Variants in TRPM2 observed in about 807,000 individuals in gnomAD.
TRPM2 encodes the protein transient receptor potential cation channel subfamily M member 2, also known as estrogen-responsive element-associated gene 1 protein.
In TRPM2, 161 loss-of-function variants were observed where a neutral mutation model predicts 174.0. The observed-to-expected ratio is 0.93, with a 90% CI of 0.81 to 1.05. The LOEUF is 1.05. Ranked by LOEUF, TRPM2 falls within the 50% of genes least tolerant of loss-of-function variation. The probability of loss-of-function intolerance (pLI) is 0.00; values close to 1 mark genes in which losing one functional copy is unlikely to be tolerated. For missense variants in TRPM2, 2,057 were observed against 2,038.0 expected (o/e 1.01, Z -0.18); for synonymous variants, 954 against 861.3 (o/e 1.11, Z -1.88).
At chr21:44,440,552 A>G (rs1020175802) in intron 30 of TRPM2, among the ~76,000 whole-genome samples, 1 of 152,332 alleles carries the variant, frequency 6.6e-6, no homozygotes, top group Admixed American at 6.5e-5. Flanking sequence ...AGACGTTTCC[A>G]AGGCGTTTCC....
At chr21:44,355,585 C>T (rs189540723) in intron 2 of TRPM2, among the ~76,000 whole-genome samples, 20 of 152,306 alleles carry the variant, frequency 1.3e-4, no homozygotes, top group Admixed American at 3.9e-4. Context: ...TCCCAGCTGT[C>T]GTGCTGTAAC....
At chr21:44,378,475 C>A (rs977351716) in intron 7 of TRPM2, among the ~76,000 whole-genome samples, 9 of 152,182 alleles carry the variant, frequency 5.9e-5, no homozygotes, top group Admixed American at 5.9e-4. Context: ...GGTCCTCACT[C>A]CCTATGCGTG....
At chr21:44,424,684 C>T (rs2050685461) in intron 23 of TRPM2, among the ~76,000 whole-genome samples, 168 bp from the exon 24 acceptor site, 1 of 152,066 alleles carries the variant, frequency 6.6e-6, no homozygotes, top group South Asian at 2.1e-4. Context: ...TTCTGGCTGG[C>T]TTGGTGGCTG....
chr21:44,408,239 G>A (rs1601181066), intron 19 of TRPM2, among the ~76,000 whole-genome samples: 3 of 152,058 alleles, frequency 2.0e-5, no homozygotes, highest in East Asian at 1.9e-4. Flanking sequence ...GAGCTACCGC[G>A]CAGGGCCGTT....
chr21:44,395,266 T>C, intron 11 of TRPM2, 148 bp from the exon 12 acceptor site: 2 of 931,904 alleles, frequency 2.1e-6, no homozygotes. Flanking sequence ...TCTAGGGTGT[T>C]GCTGAAAATG....
intron 9 of TRPM2, among the ~76,000 whole-genome samples, chr21:44,384,504 G>T (rs2048967788): frequency 6.6e-6 from 1 of 152,108 alleles, no homozygotes. Flanking sequence ...AAGCAAGAGG[G>T]AGCTAAACTT....
intron 9 of TRPM2, among the ~76,000 whole-genome samples, chr21:44,383,701 TAATAATGGATGTAAAAGTGGA>T (rs1360371116): frequency 6.6e-6 from 1 of 152,200 alleles, no homozygotes; most frequent in African/African-American, 2.4e-5. Flanking sequence ...AGTTAGGAAT[TAATAATGGATGTAAAAGTGGA>T]AAATTCACAA....
At chr21:44,423,315 G>C (rs924351058) in intron 22 of TRPM2, 5 of 345,278 alleles carry the variant, frequency 1.4e-5, no homozygotes, top group Admixed American at 3.8e-5. Flanking sequence ...AACCTCTGCT[G>C]TGCCCAGAGG....
intron 16 of TRPM2, 54 bp from the exon 17 acceptor site, chr21:44,405,088 A>T: frequency 6.2e-7 from 1 of 1,603,924 alleles, no homozygotes; most frequent in Non-Finnish European, 8.5e-7. Context: ...AGTGACAGTG[A>T]GGATAGTAAG....
Position 44,435,145 on chromosome 21 carries a change from G to A in TRPM2, c.3989G>A (p.Arg1330His), listed in dbSNP as rs754137537. 1.6e-5 allele frequency: 26 copies of A among 1,613,032 alleles called. No individual in the cohort carries two copies. The highest frequency in any genetic ancestry group is 4.4e-5 in the South Asian group (4 of 91,064). ...QAGLPLNPMG[R>H]TGLRGRGSLS... ...CTGCATCCCAGGAACCCCATGGGCC[G>A]CACAGGACTGCGTGGGCGCGGGAGC... The change falls in exon 28 of 32, where the codon CGC becomes CAC. Residue 1330 changes from arginine (R) to histidine (H), a missense_variant. Physicochemically the swap from Arg to His is conservative, Grantham distance 29. Coordinates refer to ENST00000397928, the MANE Select transcript of TRPM2 (RefSeq NM_003307.4).
chr21:44,353,611 A>G (rs533394302), upstream of TRPM2: 14 of 1,368,654 alleles, frequency 1.0e-5, no homozygotes, highest in Non-Finnish European at 1.2e-5. Flanking sequence ...CAACCACCCC[A>G]TGTGTCTCTA....
chr21:44,440,196 G>T (rs2051442822), intron 30 of TRPM2, among the ~76,000 whole-genome samples: 1 of 147,680 alleles, frequency 6.8e-6, no homozygotes, highest in African/African-American at 2.5e-5. Context: ...AATTAGCCAG[G>T]CCTGATGGCG....
intron 28 of TRPM2, among the ~76,000 whole-genome samples, chr21:44,436,408 G>A (rs1243306446): frequency 2.0e-5 from 3 of 152,088 alleles, no homozygotes; most frequent in Non-Finnish European, 4.4e-5. Context: ...TGGCCGTGCA[G>A]ACATGGCCCT....
intron 9 of TRPM2, among the ~76,000 whole-genome samples, chr21:44,389,959 G>A (rs747606943): frequency 1.1e-4 from 17 of 149,384 alleles, no homozygotes; most frequent in African/African-American, 1.5e-4. Context: ...TGCAAGTTCC[G>A]CCTCCTGGGT....
intron 19 of TRPM2, among the ~76,000 whole-genome samples, chr21:44,413,171 A>G (rs1402501434): frequency 6.9e-6 from 1 of 144,742 alleles, no homozygotes; most frequent in Admixed American, 6.9e-5. Flanking sequence ...TCCCTTTTCC[A>G]CATCTCCACG....
At chr21:44,365,523 G>A (rs1031763362) in intron 3 of TRPM2, among the ~76,000 whole-genome samples, 6 of 152,166 alleles carry the variant, frequency 3.9e-5, no homozygotes, top group South Asian at 2.1e-4. Context: ...CTGTGGTCAC[G>A]GGGACAGTCC....
At chr21:44,374,495 T>C (rs950639017) in intron 5 of TRPM2, among the ~76,000 whole-genome samples, 2 of 152,160 alleles carry the variant, frequency 1.3e-5, no homozygotes, top group African/African-American at 4.8e-5. Context: ...AATGCAGTAA[T>C]CATACAGCTC....
chr21:44,434,341 A>G (rs1021025765), intron 27 of TRPM2, among the ~76,000 whole-genome samples: 216 of 145,890 alleles, frequency 1.5e-3, no homozygotes, highest in African/African-American at 5.1e-3. Context: ...GGACGCTGGC[A>G]GGGATGGTGA....
intron 19 of TRPM2, among the ~76,000 whole-genome samples, chr21:44,413,142 CA>C (rs2146326338): frequency 6.6e-6 from 1 of 151,958 alleles, no homozygotes; most frequent in African/African-American, 2.4e-5. Flanking sequence ...CTTGTCGATA[CA>C]TTGCCTCTGC....
Sources: gnomAD v4.1 joint callset for allele counts (sites outside exome capture counted in the v4.1 genomes callset) on GRCh38, gnomAD v4.1.1 for gene constraint, MANE v1.5 for transcripts, NCBI Gene and HGNC (gene_info 2026-07-23, HGNC 2026-07-21) for gene names.